TET3: variants seen among roughly 807,000 people sequenced by gnomAD.
TET3 encodes the protein methylcytosine dioxygenase TET3.
A neutral mutation model predicts 141.4 loss-of-function variants in TET3; 19 were observed. The observed-to-expected ratio is 0.13, with a 90% CI of 0.09 to 0.20. TET3 has a LOEUF of 0.20. Among genes scored for constraint, TET3 ranks in the 10% least tolerant of loss-of-function variants. The probability of loss-of-function intolerance (pLI) is 1.00; values close to 1 mark genes in which losing one functional copy is unlikely to be tolerated. For missense variants in TET3, 1,874 were observed against 2,356.9 expected, an observed-to-expected ratio of 0.80 and a Z score of 4.24; for synonymous variants, 1,043 against 980.9, an observed-to-expected ratio of 1.06 and a Z score of -1.18.
At chr2:74,073,788 T>G (rs554399934) in intron 5 of TET3, 149 bp downstream of exon 5, 1 of 572,816 alleles carries the variant, frequency 1.7e-6, no homozygotes, top group African/African-American at 2.0e-5. Flanking sequence ...TACTGTGGGA[T>G]CCTCACTTCC....
chr2:74,069,132 C>T (rs759608149), intron 4 of TET3, among the ~76,000 whole-genome samples: 2 of 145,958 alleles, frequency 1.4e-5, no homozygotes, highest in Admixed American at 1.4e-4. Flanking sequence ...CCTTCTAGCA[C>T]GTGTATAGTT....
At position 74,096,682 on chromosome 2, in the gene TET3, C is replaced by T. The variant is rs1174180391; in HGVS notation, c.3268-2594C>T. Among the ~76,000 whole-genome samples the T allele has an allele frequency of 1.2e-4, 18 of 151,848 alleles. 1 individual carries two copies. Among genetic ancestry groups the T allele is most frequent in the African/African-American group, 2.7e-4 (11 of 41,430 alleles). On this transcript the variant is annotated intron_variant, in intron 10 of 11. Coordinates refer to ENST00000409262, the MANE Select transcript of TET3 (RefSeq NM_001287491.2). ...ACTGGGGAGGCTGAGGCAGGAGAAT[C>T]GCTTGAACCCGGGAGGCAGAGGTTG...
chr2:73,987,221 A>T (rs1252640685), intron 2 of TET3, among the ~76,000 whole-genome samples: 1 of 152,016 alleles, frequency 6.6e-6, no homozygotes. Context: ...TGACGAACTG[A>T]TGTTTTGGGT....
At chr2:73,983,938 C>T (rs1683872614), upstream of TET3, among the ~76,000 whole-genome samples, 1 of 152,252 alleles carries the variant, frequency 6.6e-6, no homozygotes. Context: ...CTGAATTAAT[C>T]TAACCTGGAA....
intron 2 of TET3, among the ~76,000 whole-genome samples, chr2:74,001,211 G>C (rs1300515039): frequency 2.6e-5 from 4 of 152,204 alleles, no homozygotes; most frequent in African/African-American, 9.7e-5. Flanking sequence ...CAGCTTTGCT[G>C]TCTTTCCAAA....
chr2:74,093,394 C>T lies in TET3; in HGVS notation c.3130-135C>T. 8.0e-7 allele frequency: 1 copy of T among 1,247,776 alleles called. No homozygotes were observed. The allele number at this position is 1,247,776 out of a possible 1,614,324, so 77.3% of individuals were successfully genotyped here. A position where few individuals can be genotyped will look rare whatever the true frequency, so the allele number is the denominator to read the frequency against. On this transcript the variant is annotated intron_variant, in intron 9 of 11. Coordinates refer to ENST00000409262, the MANE Select transcript of TET3 (RefSeq NM_001287491.2). This position sits in a 1 kb window ranked among gnomAD's most constrained non-coding sequence, Gnocchi z 4.2. ...AGCTGGGGCCTCTCAGCCAGAAAACCTCCCTCCTGCAGTCGAAGGGCAAGG... is the reference window on the plus strand; with the variant it reads ...AGCTGGGGCCTCTCAGCCAGAAAACTTCCCTCCTGCAGTCGAAGGGCAAGG...
At chr2:74,077,110 C>G (rs1689554783) in intron 5 of TET3, among the ~76,000 whole-genome samples, 4 of 152,174 alleles carry the variant, frequency 2.6e-5, no homozygotes, top group Non-Finnish European at 2.9e-5. Flanking sequence ...AATGCTTGTT[C>G]TAGGAACAAA....
Position 74,046,166 on chromosome 2 carries a change from T to C in TET3, c.361-112T>C, listed in dbSNP as rs1463784190. 11 of 956,666 alleles carry C rather than the reference T, an allele frequency of 1.1e-5. No homozygotes were observed. The highest frequency in any genetic ancestry group is 1.6e-5 in the Non-Finnish European group (11 of 696,930). The allele number at this position is 956,666 out of a possible 1,614,324, so 59.3% of individuals were successfully genotyped here. Reference sequence around the variant, plus strand: ...GGCTCAAGAAGTACCAGAGAGAGGATTTGCAAGAAAAGTTGGGGTCAGATG... The same window carrying C: ...GGCTCAAGAAGTACCAGAGAGAGGACTTGCAAGAAAAGTTGGGGTCAGATG... On this transcript the variant is annotated intron_variant, in intron 3 of 11. Coordinates refer to ENST00000409262, the MANE Select transcript of TET3 (RefSeq NM_001287491.2). The surrounding 1 kb of genome is among the most constrained non-coding windows in gnomAD (Gnocchi z 4.3).
intron 3 of TET3, among the ~76,000 whole-genome samples, chr2:74,022,102 T>C (rs1302503358): frequency 3.3e-5 from 5 of 149,974 alleles, no homozygotes; most frequent in South Asian, 4.2e-4. Flanking sequence ...CACTTTTTTT[T>C]TTTTTTTTTT....
At chr2:73,997,087 G>T (rs186104955) in intron 2 of TET3, among the ~76,000 whole-genome samples, 7 of 152,386 alleles carry the variant, frequency 4.6e-5, no homozygotes, top group African/African-American at 1.7e-4. Context: ...TGCTGCTAGA[G>T]CAGCAATTCC....
At chr2:73,988,023 A>G (rs932411829) in intron 2 of TET3, among the ~76,000 whole-genome samples, 1 of 152,304 alleles carries the variant, frequency 6.6e-6, no homozygotes, top group Non-Finnish European at 1.5e-5. Context: ...TGGAAGCTGT[A>G]TGTCCTGACC....
At chr2:74,025,498 A>G (rs1161645692) in intron 3 of TET3, among the ~76,000 whole-genome samples, 1 of 151,922 alleles carries the variant, frequency 6.6e-6, no homozygotes, top group Non-Finnish European at 1.5e-5. Context: ...CTTGTTAGCC[A>G]GGATGGTCTC....
intron 3 of TET3, among the ~76,000 whole-genome samples, chr2:74,012,377 C>T (rs1276970781): frequency 1.3e-5 from 2 of 152,248 alleles, no homozygotes; most frequent in Admixed American, 1.3e-4. Flanking sequence ...CATTGTAGCA[C>T]ACTTTCCTCT....
the TET3 span, among the ~76,000 whole-genome samples, chr2:74,125,194 C>A: frequency 5.2e-4 from 79 of 152,226 alleles, no homozygotes; most frequent in African/African-American, 1.9e-3. Flanking sequence ...GTTGGCCAGG[C>A]TGTTCTCGAA....
chr2:74,066,450 T>C (rs1573838141), intron 4 of TET3, among the ~76,000 whole-genome samples: 1 of 152,246 alleles, frequency 6.6e-6, no homozygotes, highest in Non-Finnish European at 1.5e-5. Context: ...GTAATATATA[T>C]CTTCATATAA....
chr2:74,090,137 G>T, intron 8 of TET3, 90 bp downstream of exon 8: 2 of 1,538,558 alleles, frequency 1.3e-6, no homozygotes, highest in Non-Finnish European at 1.8e-6. Flanking sequence ...GGCACGCCAT[G>T]ACTCAGATGC....
intron 2 of TET3, among the ~76,000 whole-genome samples, chr2:73,999,232 G>GC (rs1018347557): frequency 4.6e-5 from 7 of 152,304 alleles, no homozygotes; most frequent in Admixed American, 3.9e-4. Context: ...CCTTGGCTGT[G>GC]CTGCTGCAAG....
chr2:74,105,050 TTGC>T lies in TET3; in HGVS notation c.*2880_*2882del. ...CTATGCACAGCTCTTTATCCCCCCC[TTGC>T]TGCTGAAGCTTTCTTAAAGAGAAAA... is the stretch of plus-strand genomic sequence containing the variant. On this transcript the variant is annotated 3_prime_UTR_variant, in exon 12 of 12. Coordinates refer to ENST00000409262, the MANE Select transcript of TET3 (RefSeq NM_001287491.2). 3 of 397,842 alleles carry T rather than the reference TTGC, an allele frequency of 7.5e-6. No homozygotes were observed. The highest frequency in any genetic ancestry group is 3.6e-5 in the East Asian group (1 of 28,076). The allele number at this position is 397,842 out of a possible 1,614,324, so 24.6% of individuals were successfully genotyped here. A position where few individuals can be genotyped will look rare whatever the true frequency, so the allele number is the denominator to read the frequency against.
chr2:74,098,672 G>A (rs1270342802), intron 10 of TET3, among the ~76,000 whole-genome samples: 1 of 150,296 alleles, frequency 6.7e-6, no homozygotes, highest in East Asian at 1.9e-4. Context: ...TTGGCTCACT[G>A]CAACCTCCAT....
Sources: allele counts gnomAD v4.1 joint callset (sites outside exome capture counted in the v4.1 genomes callset), GRCh38; gene constraint gnomAD v4.1.1; non-coding constraint Gnocchi (gnomAD v3.1); transcripts MANE v1.5; gene names NCBI Gene and HGNC (gene_info 2026-07-23, HGNC 2026-07-21).